Variants in TXNDC9 observed in about 807,000 individuals in gnomAD.
TXNDC9 encodes thioredoxin domain-containing protein 9.
In TXNDC9, 7 loss-of-function variants were observed where a neutral mutation model predicts 23.0. The ratio of observed to expected loss-of-function variants is 0.30; its 90% CI spans 0.17 to 0.57. The LOEUF (loss-of-function observed/expected upper bound fraction) is 0.57, where lower values mean the gene tolerates loss of function less well. Ranked by LOEUF, TXNDC9 falls within the 20% of genes least tolerant of loss-of-function variation. TXNDC9 has a pLI of 0.90. For missense variants in TXNDC9, 198 were observed against 252.6 expected, an observed-to-expected ratio of 0.78 and a Z score of 1.47; for synonymous variants, 72 against 90.6, an observed-to-expected ratio of 0.79 and a Z score of 1.17.
chr2:99,326,281 C>T (rs1416958913), intron 3 of TXNDC9, among the ~76,000 whole-genome samples: 2 of 152,100 alleles, frequency 1.3e-5, no homozygotes, highest in Non-Finnish European at 2.9e-5. Flanking sequence ...ACCAGGCAAT[C>T]AATTCTTGAA....
the TXNDC9 span, among the ~76,000 whole-genome samples, chr2:99,307,101 TC>T: frequency 4.9e-5 from 6 of 122,220 alleles, no homozygotes; most frequent in Admixed American, 3.3e-4. Flanking sequence ...ACTCTCTCTC[TC>T]CTTCTCACTC....
chr2:99,313,066 G>A, the TXNDC9 span, among the ~76,000 whole-genome samples: 2 of 152,244 alleles, frequency 1.3e-5, no homozygotes, highest in Middle Eastern at 6.8e-3. Flanking sequence ...GGAGGCTGAG[G>A]CAGGTGAATT....
intron 2 of TXNDC9, chr2:99,332,722 C>A: frequency 7.2e-6 from 2 of 278,824 alleles, no homozygotes; most frequent in Non-Finnish European, 6.6e-6. Flanking sequence ...TTTAATATTA[C>A]CTGAAATGGA....
At chr2:99,315,741 G>A (rs936005242), downstream of TXNDC9, among the ~76,000 whole-genome samples, 1 of 152,192 alleles carries the variant, frequency 6.6e-6, no homozygotes, top group African/African-American at 2.4e-5. Context: ...ATTTGTTGAA[G>A]AGACTATTCT....
chr2:99,319,952 T>C (rs1041011040), intron 4 of TXNDC9, among the ~76,000 whole-genome samples, 153 bp from the exon 5 acceptor site: 1 of 152,208 alleles, frequency 6.6e-6, no homozygotes, highest in Non-Finnish European at 1.5e-5. Context: ...TATATTGATA[T>C]TGATGGTTAA....
chr2:99,320,558 T>C (rs759275821), intron 4 of TXNDC9, among the ~76,000 whole-genome samples: 3 of 152,140 alleles, frequency 2.0e-5, no homozygotes, highest in Non-Finnish European at 4.4e-5. Flanking sequence ...AGAATAACAA[T>C]GGTAACTAAA....
chr2:99,327,802 T>C, intron 2 of TXNDC9, 149 bp from the exon 3 acceptor site: 2 of 539,206 alleles, frequency 3.7e-6, no homozygotes, highest in Non-Finnish European at 6.4e-6. Flanking sequence ...TTTTTTTTTT[T>C]TGAGACGGAG....
intron 3 of TXNDC9, 109 bp downstream of exon 3, chr2:99,327,426 G>A: frequency 1.3e-6 from 1 of 783,564 alleles, no homozygotes; most frequent in South Asian, 1.7e-5. Context: ...AAACAACTTA[G>A]GAAGTTTTTT....
downstream of TXNDC9, among the ~76,000 whole-genome samples, chr2:99,315,208 G>C (rs1365674761): frequency 6.6e-6 from 1 of 151,666 alleles, no homozygotes; most frequent in Non-Finnish European, 1.5e-5. Context: ...GACTACAGGC[G>C]CATGCCACCA....
the TXNDC9 span, among the ~76,000 whole-genome samples, chr2:99,308,730 G>T: frequency 1.3e-5 from 2 of 149,086 alleles, no homozygotes; most frequent in African/African-American, 2.5e-5. Context: ...TTTTTTTTTT[G>T]AGATGGAGTT....
intron 3 of TXNDC9, among the ~76,000 whole-genome samples, chr2:99,324,767 CAG>C (rs2094209675): frequency 6.6e-6 from 1 of 151,862 alleles, no homozygotes; most frequent in African/African-American, 2.4e-5. Context: ...AAGAGCAAGA[CAG>C]AGTGTCTTGC....
In TXNDC9 at chr2:99,325,996, G is replaced by GT. The variant is rs1310815739; in HGVS notation, c.308+1538dup. Among the ~76,000 whole-genome samples the GT allele has an allele frequency of 2.6e-5, 4 of 151,328 alleles. No homozygotes were observed. In the East Asian group the frequency reaches 7.8e-4, roughly 29 times the overall value. On this transcript the variant is annotated intron_variant, in intron 3 of 4. Coordinates refer to ENST00000264255, the MANE Select transcript of TXNDC9 (RefSeq NM_005783.4). ...ATTGCACTCTAGCCTGGGTGACAGT[G>GT]TAAGACTCTGTCTCAAAAACAAAAA...
At chr2:99,314,829 C>T (rs1003710920), downstream of TXNDC9, among the ~76,000 whole-genome samples, 38 of 151,498 alleles carry the variant, frequency 2.5e-4, no homozygotes, top group Admixed American at 3.3e-4. Flanking sequence ...ATGATTTGAG[C>T]ATCTTTTCAT....
rs2094203418 is a variant in TXNDC9 at position 99,322,196 on chromosome 2, CT to C, written c.321del (p.Asp108ThrfsTer17). 6.2e-7 allele frequency: 1 copy of C among 1,613,758 alleles called. No individual in the cohort carries two copies. Among genetic ancestry groups the C allele is most frequent in the South Asian group, 1.1e-5 (1 of 91,060 alleles). On this transcript the variant is annotated frameshift_variant, in exon 4 of 5. Transcript: ENST00000264255. LOFTEE classifies it high-confidence loss of function. The stretch of plus-strand genomic sequence containing the variant: ...TTGGACAATATTGCCAGATGTCTGT[CT>C]AGTATTTTACACCTGTAAGTGACCA... The part of the protein sequence containing the change: ...YRDSTFRCKI[L>X]DRHLAILSKK...
At chr2:99,327,723 G>T in intron 2 of TXNDC9, 70 bp from the exon 3 acceptor site, 3 of 870,950 alleles carry the variant, frequency 3.4e-6, no homozygotes, top group East Asian at 2.7e-5. Flanking sequence ...CATTTTAAGT[G>T]TCCAAATCAC....
At chr2:99,306,600 A>G in the TXNDC9 span, among the ~76,000 whole-genome samples, 1 of 152,132 alleles carries the variant, frequency 6.6e-6, no homozygotes. Context: ...TGGAAACTTC[A>G]TATGAACCCT....
chr2:99,327,536 T>G lies in TXNDC9; in HGVS notation c.307A>C (p.Arg103=). 6.2e-7 allele frequency: 1 copy of G among 1,602,312 alleles called. No homozygotes were observed. The highest frequency in any genetic ancestry group is 8.5e-7 in the Non-Finnish European group (1 of 1,171,004). ...VCHFYRDSTF[R]CKILDRHLAI... ...AGTCACAGATGGAAACAAAGTTACC[T>G]GAATGTGGAGTCTCTGTAGAAATGG... is the stretch of plus-strand genomic sequence containing the variant. The change falls in exon 3 of 5, where the codon AGG becomes CGG. Residue 103 remains arginine, a splice_region_variant and synonymous_variant. Transcript: ENST00000264255.
At chr2:99,314,204 T>C (rs988260134), downstream of TXNDC9, among the ~76,000 whole-genome samples, 1 of 152,116 alleles carries the variant, frequency 6.6e-6, no homozygotes, top group Non-Finnish European at 1.5e-5. Flanking sequence ...GTGAATCAAG[T>C]CTTCCTGTTT....
intron 2 of TXNDC9, among the ~76,000 whole-genome samples, chr2:99,329,637 C>T (rs2094220287): frequency 6.6e-6 from 1 of 152,204 alleles, no homozygotes. Flanking sequence ...CATTTCATGA[C>T]TGCTTTCACA....
Sources: gnomAD v4.1 joint callset for allele counts (sites outside exome capture counted in the v4.1 genomes callset) on GRCh38, gnomAD v4.1.1 for gene constraint, MANE v1.5 for transcripts, NCBI Gene and HGNC (gene_info 2026-07-23, HGNC 2026-07-21) for gene names.